The following GALNTL6 variants were observed in gnomAD, a reference collection of about 807,000 sequenced individuals.
The protein encoded by GALNTL6 is polypeptide N-acetylgalactosaminyltransferase-like 6.
Under a neutral mutation model 73.7 loss-of-function variants are expected in GALNTL6, and 46 were observed. The observed-to-expected ratio is 0.62, with a 90% CI of 0.49 to 0.80. The LOEUF is 0.80. GALNTL6 is among the 30% of genes least tolerant of loss of function. The probability of loss-of-function intolerance (pLI) is 0.00; values close to 1 mark genes in which losing one functional copy is unlikely to be tolerated. For missense variants in GALNTL6, 604 were observed against 755.0 expected (o/e 0.80, Z 2.34); for synonymous variants, 259 against 263.7 (o/e 0.98, Z 0.17).
At chr4:172,379,948 C>T (rs778240477) in intron 5 of GALNTL6, 30 of 693,892 alleles carry the variant, frequency 4.3e-5, no homozygotes, top group South Asian at 4.2e-4. Context: ...TTTCTAAGAC[C>T]TTGTCCATTA....
intron 5 of GALNTL6, among the ~76,000 whole-genome samples, chr4:172,374,428 C>T (rs1230496798): frequency 6.6e-6 from 1 of 152,070 alleles, no homozygotes; most frequent in East Asian, 1.9e-4. Flanking sequence ...GGGTAATAAA[C>T]TTATCTTTTA....
At position 172,126,539 on chromosome 4, in the gene GALNTL6, A is replaced by AG. The variant is rs1733299260; in HGVS notation, c.139-103116dup. On this transcript the variant is annotated intron_variant, in intron 2 of 12. Coordinates refer to ENST00000506823, the MANE Select transcript of GALNTL6 (RefSeq NM_001034845.3). Reference sequence around the variant, plus strand: ...CAGTGCAGCTTGCTCAGCAAGGATCAGCTGGCAGCCTGGAGCGGCTCCCCA... The same window carrying AG: ...CAGTGCAGCTTGCTCAGCAAGGATCAGGCTGGCAGCCTGGAGCGGCTCCCCA... 3.3e-5 allele frequency among the ~76,000 whole-genome samples: 5 copies of AG among 152,350 alleles called. No homozygotes were observed. The South Asian group carries it at 1.0e-3, about 32-fold the overall frequency.
intron 2 of GALNTL6, among the ~76,000 whole-genome samples, chr4:172,210,727 A>T (rs953056906): frequency 3.3e-5 from 5 of 152,108 alleles, no homozygotes; most frequent in Admixed American, 3.3e-4. Context: ...TACCCATTGG[A>T]GGGCAGCCAT....
chr4:172,900,342 GT>G (rs1579629111), intron 8 of GALNTL6, among the ~76,000 whole-genome samples: 1 of 152,128 alleles, frequency 6.6e-6, no homozygotes, highest in African/African-American at 2.4e-5. Flanking sequence ...TTCTGTCTCT[GT>G]TTAATTGTAG....
At chr4:172,191,951 C>T (rs1298003844) in intron 2 of GALNTL6, among the ~76,000 whole-genome samples, 2 of 152,106 alleles carry the variant, frequency 1.3e-5, no homozygotes, top group East Asian at 3.9e-4. Context: ...GAAATATTTA[C>T]ATGCATAATA....
intron 3 of GALNTL6, among the ~76,000 whole-genome samples, chr4:172,299,398 G>A (rs2111117647): frequency 6.6e-6 from 1 of 152,102 alleles, no homozygotes; most frequent in South Asian, 2.1e-4. Context: ...GTTATTTCTT[G>A]CCTTCTACTA....
chr4:171,829,247 A>G (rs573898095), intron 2 of GALNTL6, among the ~76,000 whole-genome samples: 83 of 152,130 alleles, frequency 5.5e-4, no homozygotes, highest in Admixed American at 2.4e-3. Context: ...GGATCACCTT[A>G]AAAACTTTAC....
chr4:172,873,240 G>T (rs1458188181), intron 7 of GALNTL6, among the ~76,000 whole-genome samples: 1 of 152,190 alleles, frequency 6.6e-6, no homozygotes, highest in Non-Finnish European at 1.5e-5. Context: ...AATAACAACC[G>T]AAAGTTCCCA....
intron 5 of GALNTL6, among the ~76,000 whole-genome samples, chr4:172,474,010 C>T (rs1372064220): frequency 6.6e-6 from 1 of 152,004 alleles, no homozygotes; most frequent in Non-Finnish European, 1.5e-5. Flanking sequence ...ATGGCCTACA[C>T]ATCCCTCCAT....
intron 8 of GALNTL6, among the ~76,000 whole-genome samples, chr4:172,897,112 C>T (rs1280227029): frequency 1.3e-5 from 2 of 152,202 alleles, no homozygotes; most frequent in East Asian, 3.8e-4. Flanking sequence ...GGATAGTTCC[C>T]CAACTACAGT....
intron 2 of GALNTL6, among the ~76,000 whole-genome samples, chr4:172,141,396 A>G (rs1733793834): frequency 6.6e-6 from 1 of 152,072 alleles, no homozygotes; most frequent in Non-Finnish European, 1.5e-5. Flanking sequence ...TGTGATATAC[A>G]TTCTGTGCCC....
chr4:172,461,972 G>A (rs145956343), intron 5 of GALNTL6, among the ~76,000 whole-genome samples: 40 of 152,216 alleles, frequency 2.6e-4, no homozygotes, highest in African/African-American at 9.6e-4. Flanking sequence ...CATCCAATAT[G>A]TTAAGGGACT....
At chr4:172,750,101 T>C (rs1737341786) in intron 5 of GALNTL6, among the ~76,000 whole-genome samples, 1 of 152,208 alleles carries the variant, frequency 6.6e-6, no homozygotes. Context: ...AGTTAAAATT[T>C]TATATCTGCT....
At position 172,996,408 on chromosome 4, in the gene GALNTL6, A is replaced by G. The variant is rs148708685; in HGVS notation, c.1372-12770A>G. Among the ~76,000 whole-genome samples, 296 of 151,772 alleles carry G rather than the reference A, an allele frequency of 2.0e-3. 1 individual carries two copies. Among genetic ancestry groups the G allele is most frequent in the African/African-American group, 6.7e-3 (279 of 41,524 alleles). ...TATGGGAGGGTGGAGGGTGGGAGGA[A>G]GGAGAGATCAGGAAAAATAACTATT... On this transcript the variant is annotated intron_variant, in intron 10 of 12. Transcript: ENST00000506823.
intron 2 of GALNTL6, among the ~76,000 whole-genome samples, chr4:171,884,988 C>T (rs180911267): frequency 4.6e-5 from 7 of 150,922 alleles, no homozygotes; most frequent in South Asian, 2.1e-4. Flanking sequence ...ACCCAGGAGG[C>T]GGAGGTTGCA....
At chr4:172,552,865 A>T (rs1483172570) in intron 5 of GALNTL6, among the ~76,000 whole-genome samples, 1 of 131,398 alleles carries the variant, frequency 7.6e-6, no homozygotes, top group Non-Finnish European at 1.6e-5. Flanking sequence ...AAAGGTAAAA[A>T]CCGCAATTAC....
intron 10 of GALNTL6, among the ~76,000 whole-genome samples, chr4:173,004,785 C>A (rs1752201231): frequency 6.6e-6 from 1 of 152,124 alleles, no homozygotes. Flanking sequence ...CTCACTAGAC[C>A]ATCAGGTGCA....
chr4:171,890,467 T>C (rs1055916802), intron 2 of GALNTL6, among the ~76,000 whole-genome samples: 3 of 152,140 alleles, frequency 2.0e-5, no homozygotes, highest in African/African-American at 7.2e-5. Flanking sequence ...TCTCTCTATA[T>C]TTTAATTTCC....
chr4:172,710,264 T>C (rs1160873353), intron 5 of GALNTL6, among the ~76,000 whole-genome samples: 2 of 152,158 alleles, frequency 1.3e-5, no homozygotes, highest in Admixed American at 6.6e-5. Flanking sequence ...AATGTTCTTA[T>C]ATTTTGATTC....
Sources: gnomAD v4.1 joint callset for allele counts (sites outside exome capture counted in the v4.1 genomes callset) on GRCh38, gnomAD v4.1.1 for gene constraint, MANE v1.5 for transcripts, NCBI Gene and HGNC (gene_info 2026-07-23, HGNC 2026-07-21) for gene names.